The following NRG1 variants were observed in gnomAD, a reference collection of about 807,000 sequenced individuals.
NRG1 encodes the protein pro-neuregulin-1, membrane-bound isoform.
In NRG1, 18 loss-of-function variants were observed where a neutral mutation model predicts 63.8. The observed-to-expected ratio is 0.28, with a 90% CI of 0.19 to 0.42. The LOEUF (loss-of-function observed/expected upper bound fraction) is 0.42. Ranked by LOEUF, NRG1 falls within the 10% of genes least tolerant of loss-of-function variation. The pLI is 1.00. For missense variants in NRG1, 762 were observed against 814.7 expected (o/e 0.94, Z 0.79); for synonymous variants, 302 against 301.3 (o/e 1.00, Z -0.02).
intron 1 of NRG1, among the ~76,000 whole-genome samples, chr8:32,210,446 C>T (rs142295342): frequency 2.2e-4 from 33 of 152,236 alleles, no homozygotes; most frequent in African/African-American, 7.0e-4. Flanking sequence ...TCTCACAGAC[C>T]TCCCGAAAGG....
At chr8:32,150,603 C>T (rs1335303193) in intron 1 of NRG1, among the ~76,000 whole-genome samples, 5 of 152,164 alleles carry the variant, frequency 3.3e-5, no homozygotes, top group Non-Finnish European at 7.3e-5. Context: ...TAATCTTGGA[C>T]GTTCCAGCCT....
At chr8:31,892,936 A>C (rs539599312) in intron 1 of NRG1, among the ~76,000 whole-genome samples, 93 of 152,088 alleles carry the variant, frequency 6.1e-4, no homozygotes, top group African/African-American at 2.2e-3. Flanking sequence ...TAAAACAGCT[A>C]ATTTTCTGGT....
At chr8:32,145,497 G>A (rs897429906) in intron 1 of NRG1, among the ~76,000 whole-genome samples, 2 of 152,088 alleles carry the variant, frequency 1.3e-5, no homozygotes, top group African/African-American at 4.8e-5. Flanking sequence ...TTTCTGTGAT[G>A]CCTGCTGGCC....
At chr8:32,189,572 G>A (rs140096904) in intron 1 of NRG1, among the ~76,000 whole-genome samples, 100 of 152,198 alleles carry the variant, frequency 6.6e-4, no homozygotes, top group African/African-American at 2.4e-3. Context: ...TTACCTTATG[G>A]GGTTAAGAGA....
intron 1 of NRG1, among the ~76,000 whole-genome samples, chr8:31,824,625 C>T (rs190290970): frequency 1.3e-5 from 2 of 152,230 alleles, no homozygotes; most frequent in East Asian, 3.9e-4. Context: ...TCCTGAATCC[C>T]TTTGGATATT....
At chr8:31,754,717 T>C (rs906411556) in intron 1 of NRG1, among the ~76,000 whole-genome samples, 3 of 152,050 alleles carry the variant, frequency 2.0e-5, no homozygotes, top group South Asian at 2.1e-4. Context: ...ACTCCTTAGG[T>C]AGGATCTCAG....
rs947236133 is a variant in NRG1 at position 31,749,879 on chromosome 8, T to A, written c.37+110448T>A. 3.5e-5 allele frequency among the ~76,000 whole-genome samples: 5 copies of A among 141,092 alleles called. No homozygotes were observed. In the South Asian group the frequency reaches 1.1e-3, roughly 32 times the overall value. The allele number at this position is 141,092 out of a possible 152,430, so 92.6% of individuals were successfully genotyped here. On this transcript the variant is annotated intron_variant, in intron 1 of 10. Coordinates refer to the NRG1 transcript ENST00000519301. ...TTAAAATCTGTTTGTTTATTTTTTT[T>A]ATTTTTGGAAGCCAAGCCAGCAGTT...
intron 1 of NRG1, among the ~76,000 whole-genome samples, chr8:32,477,426 C>G (rs948147430): frequency 2.0e-5 from 3 of 152,214 alleles, no homozygotes; most frequent in Admixed American, 2.0e-4. Context: ...AAACGTTTTT[C>G]TCCTCAAAAG....
chr8:32,267,642 G>A (rs1252838791), intron 1 of NRG1, among the ~76,000 whole-genome samples: 1 of 152,090 alleles, frequency 6.6e-6, no homozygotes, highest in Non-Finnish European at 1.5e-5. Flanking sequence ...ATCCCTGTTG[G>A]ACAGAATTAC....
intron 1 of NRG1, among the ~76,000 whole-genome samples, chr8:32,401,757 G>A (rs1328981708): frequency 6.6e-6 from 1 of 152,160 alleles, no homozygotes; most frequent in Non-Finnish European, 1.5e-5. Context: ...GGAGGAGGGA[G>A]AAGATCAGAA....
chr8:32,500,251 G>T (rs1827703469), intron 1 of NRG1, among the ~76,000 whole-genome samples: 2 of 152,160 alleles, frequency 1.3e-5, no homozygotes. Flanking sequence ...AAAAGCTCTT[G>T]AGAGTAGTAA....
chr8:32,152,328 C>A (rs1283882088), intron 1 of NRG1, among the ~76,000 whole-genome samples: 2 of 152,106 alleles, frequency 1.3e-5, no homozygotes, highest in East Asian at 1.9e-4. Context: ...CCAAGTTTAA[C>A]TTTTATTTTT....
intron 1 of NRG1, among the ~76,000 whole-genome samples, chr8:32,032,453 A>G (rs557695468): frequency 1.3e-5 from 2 of 151,974 alleles, no homozygotes; most frequent in South Asian, 4.1e-4. Context: ...TTTAGTAGAG[A>G]TGGGGTTTCA....
At chr8:32,069,774 G>C (rs145437908) in intron 1 of NRG1, among the ~76,000 whole-genome samples, 2 of 152,204 alleles carry the variant, frequency 1.3e-5, no homozygotes, top group African/African-American at 4.8e-5. Flanking sequence ...AGACTGAGGG[G>C]CACTCAGTTC....
At chr8:32,116,344 C>G (rs574785503) in intron 1 of NRG1, among the ~76,000 whole-genome samples, 39 of 152,202 alleles carry the variant, frequency 2.6e-4, no homozygotes, top group African/African-American at 9.1e-4. Flanking sequence ...AAGTGGGATT[C>G]GTCTAAGCAG....
chr8:31,675,203 G>A (rs1339291946), intron 1 of NRG1, among the ~76,000 whole-genome samples: 1 of 152,170 alleles, frequency 6.6e-6, no homozygotes, highest in Admixed American at 6.5e-5. Context: ...TTAGCTGGGC[G>A]TGGTGGTGGA....
chr8:31,777,810 G>T (rs1819295249), intron 1 of NRG1, among the ~76,000 whole-genome samples: 1 of 152,100 alleles, frequency 6.6e-6, no homozygotes, highest in South Asian at 2.1e-4. Context: ...TTGGCAGGGG[G>T]TGTGTGGGGA....
In NRG1 at chr8:32,760,528, C is replaced by T. The variant is rs574484096; in HGVS notation, c.1259+122C>T. ...GAATAAGGGGCGGCAGTTACCTGTT[C>T]TAGGAGTGCTCCTAGTTGATGAAGT... On this transcript the variant is annotated intron_variant, in intron 11 of 11. Coordinates refer to ENST00000356819, the Ensembl canonical transcript of NRG1. 2.0e-6 allele frequency: 3 copies of T among 1,499,970 alleles called. No homozygotes were observed. In the African/African-American group the frequency reaches 4.2e-5, roughly 21 times the overall value. 92.9% of individuals were successfully genotyped at this position (1,499,970 alleles called of 1,614,324 possible).
At chr8:32,692,026 C>T (rs1353652691) in intron 5 of NRG1, among the ~76,000 whole-genome samples, 1 of 152,108 alleles carries the variant, frequency 6.6e-6, no homozygotes, top group Admixed American at 6.5e-5. Context: ...ACTCAATAAA[C>T]CTTTAAGGTC....
Sources: allele counts gnomAD v4.1 joint callset (sites outside exome capture counted in the v4.1 genomes callset), GRCh38; gene constraint gnomAD v4.1.1; transcripts MANE v1.5; gene names NCBI Gene and HGNC (gene_info 2026-07-23, HGNC 2026-07-21).